The following ZNF750 variants were observed in gnomAD, a reference collection of about 807,000 sequenced individuals.
ZNF750 encodes the protein zinc finger protein 750.
ZNF750 carries 10 observed loss-of-function variants against 31.6 expected under a neutral mutation model. The observed-to-expected ratio is 0.32, with a 90% CI of 0.19 to 0.54. The LOEUF (loss-of-function observed/expected upper bound fraction) is 0.54. Among genes scored for constraint, ZNF750 ranks in the 20% least tolerant of loss-of-function variants. The pLI is 0.95. For synonymous variants in ZNF750, 400 were observed against 404.9 expected (o/e 0.99, Z 0.15); for missense variants, 914 against 934.9 (o/e 0.98, Z 0.29).
rs2053335463 is a variant in ZNF750, at chr17:82,830,029, CA to C, written c.*112del. ...TTTGTTTGTTTGTTTTTTTGAGAAG[CA>C]GCAGCTGCATTTGTAAAAATGTGAA... On this transcript the variant is annotated 3_prime_UTR_variant, in exon 3 of 3. Coordinates refer to ENST00000269394, the MANE Select transcript of ZNF750 (RefSeq NM_024702.3). The C allele has an allele frequency of 1.3e-6, 2 of 1,512,662 alleles. No homozygotes were observed. Among genetic ancestry groups the C allele is most frequent in the Non-Finnish European group, 1.8e-6 (2 of 1,110,710 alleles). The allele number at this position is 1,512,662 out of a possible 1,614,324, so 93.7% of individuals were successfully genotyped here. A position where few individuals can be genotyped will look rare whatever the true frequency, so the allele number is the denominator to read the frequency against.
chr17:82,830,357 C>T lies in ZNF750; in HGVS notation c.1957G>A (p.Asp653Asn), dbSNP rs2053371629. The part of the protein sequence containing the change: ...AYSPRNIRVG[D>N]GDAAAPEPAC... ...GGTTCCGGGGCCGCAGCATCCCCAT[C>T]GCCCACCCGGATGTTCCTGGGGCTG... is the stretch of plus-strand genomic sequence containing the variant. Residue 653 changes from aspartate to asparagine, a missense_variant, in exon 3 of 3, where the codon GAT becomes AAT. Coordinates refer to ENST00000269394, the MANE Select transcript of ZNF750 (RefSeq NM_024702.3). 5.0e-6 allele frequency: 8 copies of T among 1,613,452 alleles called. No individual in the cohort carries two copies. Among genetic ancestry groups the T allele is most frequent in the Non-Finnish European group, 5.9e-6 (7 of 1,180,048 alleles).
At chr17:82,837,061 CAG>C (rs1325136781) in intron 1 of ZNF750, among the ~76,000 whole-genome samples, 3 of 152,188 alleles carry the variant, frequency 2.0e-5, no homozygotes, top group Non-Finnish European at 2.9e-5. Flanking sequence ...CTAATTAAAA[CAG>C]GGAGCACAGC....
At position 82,830,065 on chromosome 17, in the gene ZNF750, T is replaced by G. The variant is rs1403777709; in HGVS notation, c.*77A>C. 1.9e-6 allele frequency: 3 copies of G among 1,597,796 alleles called. No individual in the cohort carries two copies. The highest frequency in any genetic ancestry group is 2.6e-6 in the Non-Finnish European group (3 of 1,169,790). ...TTTGTAAAAATGTGAAAGTGCCAGTTCAGAGGTGTTGTAGCTTGCCACCTT... is the reference window on the plus strand; with the variant it reads ...TTTGTAAAAATGTGAAAGTGCCAGTGCAGAGGTGTTGTAGCTTGCCACCTT... On this transcript the variant is annotated 3_prime_UTR_variant, in exon 3 of 3. Transcript: ENST00000269394.
At chr17:82,839,685 A>C (rs2054301183) in intron 1 of ZNF750, among the ~76,000 whole-genome samples, 1 of 152,186 alleles carries the variant, frequency 6.6e-6, no homozygotes, top group African/African-American at 2.4e-5. Context: ...GGGCAGAACA[A>C]GGAGTTAATT....
Position 82,833,286 on chromosome 17 carries a change from A to C in ZNF750, c.-182-650T>G, listed in dbSNP as rs1418245580. Among the ~76,000 whole-genome samples the C allele has an allele frequency of 1.3e-5, 2 of 151,764 alleles. No homozygotes were observed. The highest frequency in any genetic ancestry group is 1.3e-4 in the Admixed American group (2 of 15,220). On this transcript the variant is annotated intron_variant, in intron 1 of 2. Transcript: ENST00000269394. This position sits in a 1 kb window ranked among gnomAD's most constrained non-coding sequence, Gnocchi z 4.7. Reference sequence around the variant, plus strand: ...TGCGCCCCTGCCGTCGGCCTGTAGAACCCAAGACCATGGATGCTGCTGCCT... The same window carrying C: ...TGCGCCCCTGCCGTCGGCCTGTAGACCCCAAGACCATGGATGCTGCTGCCT...
At chr17:82,834,636 A>G (rs547009713) in intron 1 of ZNF750, among the ~76,000 whole-genome samples, 2 of 149,056 alleles carry the variant, frequency 1.3e-5, no homozygotes, top group Middle Eastern at 3.4e-3. Context: ...CCAAACGTGC[A>G]TGGTCTCACC....
chr17:82,830,556 CCCAGTCTTCTGTG>C lies in ZNF750; in HGVS notation c.1745_1757del (p.Pro582ArgfsTer85). The C allele has an allele frequency of 6.2e-7, 1 of 1,614,052 alleles. No homozygotes were observed. Among genetic ancestry groups the C allele is most frequent in the Non-Finnish European group, 8.5e-7 (1 of 1,179,992 alleles). On this transcript the variant is annotated frameshift_variant, in exon 3 of 3. Coordinates refer to ENST00000269394, the MANE Select transcript of ZNF750 (RefSeq NM_024702.3). LOFTEE classifies it low-confidence loss of function (END_TRUNC). ...TGGGCCCATCCTCAGAACCTTCTGT[CCCAGTCTTCTGTG>C]GAACAGCAGCAGCAGGTTCTGCAGC...
At chr17:82,836,911 CG>C in intron 1 of ZNF750, among the ~76,000 whole-genome samples, 1 of 152,162 alleles carries the variant, frequency 6.6e-6, no homozygotes, top group East Asian at 1.9e-4. Flanking sequence ...TTCACGTAAG[CG>C]GGTGTGGCAG....
chr17:82,830,930 C>T (rs548457879), intron 2 of ZNF750, 53 bp from the exon 3 acceptor site: 2 of 1,613,158 alleles, frequency 1.2e-6, no homozygotes, highest in South Asian at 1.1e-5. Flanking sequence ...AAAGCAACTG[C>T]GTGAAGCAGT....
Position 82,831,426 on chromosome 17 carries a change from T to A in ZNF750, c.1029A>T (p.Arg343=). The part of the protein sequence containing the change: ...LRLPPVTGLT[R]DQSSHLLEEA... The stretch of plus-strand genomic sequence containing the variant: ...CTTCAAGCAGGTGAGAGCTCTGATC[T>A]CGGGTGAGGCCAGTGACAGGTGGGA... Residue 343 remains arginine, a synonymous_variant, in exon 2 of 3, where the codon CGA becomes CGT. Transcript: ENST00000269394. The surrounding 1 kb of genome is among the most constrained non-coding windows in gnomAD (Gnocchi z 4.6). 1 of 1,614,138 alleles carries A rather than the reference T, an allele frequency of 6.2e-7. No homozygotes were observed. Among genetic ancestry groups the A allele is most frequent in the Non-Finnish European group, 8.5e-7 (1 of 1,180,028 alleles).
chr17:82,839,791 C>G (rs1161896684), intron 1 of ZNF750, 136 bp downstream of exon 1: 1 of 152,236 alleles, frequency 6.6e-6, no homozygotes, highest in African/African-American at 2.4e-5. Flanking sequence ...CCTGCTGGGT[C>G]CTGAGTAATC....
At chr17:82,834,007 C>T (rs1344965416) in intron 1 of ZNF750, among the ~76,000 whole-genome samples, 1 of 151,912 alleles carries the variant, frequency 6.6e-6, no homozygotes, top group East Asian at 1.9e-4. Context: ...TGCCATGGCG[C>T]AATCTCAGCT....
intron 1 of ZNF750, among the ~76,000 whole-genome samples, chr17:82,836,691 A>C (rs1219153864): frequency 2.0e-5 from 3 of 150,514 alleles, no homozygotes; most frequent in Non-Finnish European, 2.9e-5. Flanking sequence ...TTTAGGCAAA[A>C]AAAAAAACAA....
rs532762515 is a variant in ZNF750 at position 82,837,861 on chromosome 17, A to G, written c.-183+2066T>C. Reference sequence around the variant, plus strand: ...GCACAAAGCCTTCTTTCTCCAAGTTATTTCAGATCAAGCAGCCAATGTAGA... The same window carrying G: ...GCACAAAGCCTTCTTTCTCCAAGTTGTTTCAGATCAAGCAGCCAATGTAGA... On this transcript the variant is annotated intron_variant, in intron 1 of 2. Transcript: ENST00000269394. 2.0e-3 allele frequency among the ~76,000 whole-genome samples: 305 copies of G among 152,276 alleles called. 2 individuals carry two copies. The highest frequency in any genetic ancestry group is 7.0e-3 in the African/African-American group (292 of 41,532).
chr17:82,830,445 C>T lies in ZNF750; in HGVS notation c.1869G>A (p.Ala623=), dbSNP rs1223059446. The T allele has an allele frequency of 7.4e-6, 12 of 1,612,180 alleles. No homozygotes were observed. The highest frequency in any genetic ancestry group is 1.0e-5 in the Non-Finnish European group (12 of 1,179,876). ...GCTTCTGCTCCTCGCTGCTGTCCACCGCGCATGCGTCTGGAGCCTCCTCGC... is the reference window on the plus strand; with the variant it reads ...GCTTCTGCTCCTCGCTGCTGTCCACTGCGCATGCGTCTGGAGCCTCCTCGC... ...GPGEEAPDAC[A]VDSSEEQKQT... The change falls in exon 3 of 3, where the codon GCG becomes GCA. Residue 623 remains alanine, a synonymous_variant. Coordinates refer to ENST00000269394, the MANE Select transcript of ZNF750 (RefSeq NM_024702.3).
chr17:82,833,263 C>T lies in ZNF750; in HGVS notation c.-182-627G>A, dbSNP rs118172516. On this transcript the variant is annotated intron_variant, in intron 1 of 2. Transcript: ENST00000269394. The surrounding 1 kb of genome is among the most constrained non-coding windows in gnomAD (Gnocchi z 4.7). ...GCTGGGAGCTCTCCCAAGTGCTGTG[C>T]GCCCCTGCCGTCGGCCTGTAGAACC... Among the ~76,000 whole-genome samples the T allele has an allele frequency of 0.011, 1,692 of 152,178 alleles. 15 individuals are homozygous for T. Among genetic ancestry groups the T allele is most frequent in the Non-Finnish European group, 0.018 (1,219 of 68,008 alleles).
Position 82,830,109 on chromosome 17 carries a change from C to G in ZNF750, c.*33G>C, listed in dbSNP as rs749538789. ...CCACCTTGGAAGGCGTGTGTGTGGCCGTAGCTCTGTGAACACACGTGTGAA... is the reference window on the plus strand; with the variant it reads ...CCACCTTGGAAGGCGTGTGTGTGGCGGTAGCTCTGTGAACACACGTGTGAA... On this transcript the variant is annotated 3_prime_UTR_variant, in exon 3 of 3. Coordinates refer to ENST00000269394, the MANE Select transcript of ZNF750 (RefSeq NM_024702.3). The G allele has an allele frequency of 1.9e-6, 3 of 1,612,308 alleles. 1 individual carries two copies. In the South Asian group the frequency reaches 3.3e-5, roughly 18 times the overall value.
At chr17:82,836,983 G>A (rs993013624) in intron 1 of ZNF750, among the ~76,000 whole-genome samples, 1 of 152,164 alleles carries the variant, frequency 6.6e-6, no homozygotes, top group Admixed American at 6.5e-5. Flanking sequence ...AATTGGTGTC[G>A]ATATGGAGTC....
Position 82,833,153 on chromosome 17 carries a change from C to T in ZNF750, c.-182-517G>A, listed in dbSNP as rs2053666847. On this transcript the variant is annotated intron_variant, in intron 1 of 2. Coordinates refer to ENST00000269394, the MANE Select transcript of ZNF750 (RefSeq NM_024702.3). This position sits in a 1 kb window ranked among gnomAD's most constrained non-coding sequence, Gnocchi z 4.7. ...ACGAAGGGGTTTGTGGCTGTTTCCC[C>T]TTAACATGTACCCACAGTCACAGAG... Among the ~76,000 whole-genome samples the T allele has an allele frequency of 6.6e-6, 1 of 152,088 alleles. No individual in the cohort carries two copies. Among genetic ancestry groups the T allele is most frequent in the South Asian group, 2.1e-4 (1 of 4,826 alleles).
Sources: allele counts gnomAD v4.1 joint callset (sites outside exome capture counted in the v4.1 genomes callset), GRCh38; gene constraint gnomAD v4.1.1; non-coding constraint Gnocchi (gnomAD v3.1); transcripts MANE v1.5; gene names NCBI Gene and HGNC (gene_info 2026-07-23, HGNC 2026-07-21).